LRRC9: variants seen among roughly 807,000 people sequenced by gnomAD.
LRRC9 encodes the protein leucine-rich repeat-containing protein 9.
LRRC9 carries 122 observed loss-of-function variants against 63.2 expected under a neutral mutation model. That is an observed-to-expected ratio of 1.93 (90% CI 1.67 to 2.24). The LOEUF (loss-of-function observed/expected upper bound fraction) is 2.24, where lower values mean the gene tolerates loss of function less well. LRRC9 is among the 30% of genes most tolerant of loss of function. The pLI, the probability that LRRC9 is intolerant of heterozygous loss-of-function variation, is 0.00. For synonymous variants in LRRC9, 366 were observed against 213.1 expected (o/e 1.72, Z -6.25); for missense variants, 1,071 against 627.7 (o/e 1.71, Z -7.55).
rs1266126844 is a variant in LRRC9, at chr14:59,992,092, C to T, written c.2212-5564C>T. 3.9e-5 allele frequency among the ~76,000 whole-genome samples: 6 copies of T among 152,146 alleles called. No individual in the cohort carries two copies. In the South Asian group the frequency reaches 6.2e-4, roughly 16 times the overall value. On this transcript the variant is annotated intron_variant, in intron 17 of 31. Transcript: ENST00000445360. ...AGGGCAGACTGACACCTCACATGGCCGGGTACTCCTCTGAGACAAAACTTC... is the reference window on the plus strand; with the variant it reads ...AGGGCAGACTGACACCTCACATGGCTGGGTACTCCTCTGAGACAAAACTTC...
chr14:60,053,793 T>C lies in LRRC9; in HGVS notation c.4131+588T>C, dbSNP rs1894072425. On this transcript the variant is annotated intron_variant, in intron 30 of 31. Coordinates refer to ENST00000445360, the Ensembl canonical transcript of LRRC9. This position sits in a 1 kb window ranked among gnomAD's most constrained non-coding sequence, Gnocchi z 4.8. Reference sequence around the variant, plus strand: ...ATAATAAAAGCATGTCATTTGAAAATTCTGTCTTTGACCACCTAGTTTCTT... The same window carrying C: ...ATAATAAAAGCATGTCATTTGAAAACTCTGTCTTTGACCACCTAGTTTCTT... 2.6e-6 allele frequency: 1 copy of C among 380,756 alleles called. No individual in the cohort carries two copies. The highest frequency in any genetic ancestry group is 2.1e-5 in the African/African-American group (1 of 46,582). 23.6% of individuals were successfully genotyped at this position (380,756 alleles called of 1,614,324 possible).
At chr14:60,010,533 G>A (rs1016819492) in intron 23 of LRRC9, among the ~76,000 whole-genome samples, 5 of 152,146 alleles carry the variant, frequency 3.3e-5, no homozygotes, top group Non-Finnish European at 7.4e-5. Flanking sequence ...ACATGCCCTG[G>A]AGACGTTTTC....
At chr14:59,945,553 A>G (rs1214551102) in intron 8 of LRRC9, among the ~76,000 whole-genome samples, 3 of 152,010 alleles carry the variant, frequency 2.0e-5, no homozygotes, top group Non-Finnish European at 2.9e-5. Context: ...CAGCCTGCTA[A>G]ATGAAAGAAA....
intron 8 of LRRC9, among the ~76,000 whole-genome samples, chr14:59,946,780 G>T (rs1331442058): frequency 2.0e-5 from 3 of 147,226 alleles, no homozygotes; most frequent in Non-Finnish European, 4.5e-5. Flanking sequence ...TCTTGCGATA[G>T]TTTACTGAGA....
In LRRC9 at chr14:60,058,520, GA is replaced by G. The variant is rs1894440859; in HGVS notation, c.4276+499del. On this transcript the variant is annotated intron_variant, in intron 31 of 31. Coordinates refer to ENST00000445360, the Ensembl canonical transcript of LRRC9. This position sits in a 1 kb window ranked among gnomAD's most constrained non-coding sequence, Gnocchi z 4.4. ...AGCAAATACTAGAGAAGGGCTTCAA[GA>G]GGTAGAGTTTTAAAAGAGGGAGTGT... 6.6e-6 allele frequency among the ~76,000 whole-genome samples: 1 copy of G among 152,178 alleles called. No individual in the cohort carries two copies. The highest frequency in any genetic ancestry group is 6.5e-5 in the Admixed American group (1 of 15,280).
At position 59,963,151 on chromosome 14, in the gene LRRC9, C is replaced by T. The variant is rs181722568; in HGVS notation, c.1211+2106C>T. Among the ~76,000 whole-genome samples the T allele has an allele frequency of 9.9e-5, 15 of 152,252 alleles. 1 individual carries two copies. The highest frequency in any genetic ancestry group is 3.4e-4 in the African/African-American group (14 of 41,554). On this transcript the variant is annotated intron_variant, in intron 10 of 31. Coordinates refer to ENST00000445360, the Ensembl canonical transcript of LRRC9. ...TTCAGTATTTAAATAAAAAGTATTT[C>T]AGTAGAACTAGGACTGAAAGATTTT... is the stretch of plus-strand genomic sequence containing the variant.
chr14:60,060,489 C>T lies in LRRC9; in HGVS notation c.4276+2467C>T, dbSNP rs1894585350. The stretch of plus-strand genomic sequence containing the variant: ...GGCGCGATGGCTCACGCTTGTAATC[C>T]CAGCACTTTGGGAGGCTGAGGTGGG... On this transcript the variant is annotated intron_variant, in intron 31 of 31. Transcript: ENST00000445360. This position sits in a 1 kb window ranked among gnomAD's most constrained non-coding sequence, Gnocchi z 4.0. Among the ~76,000 whole-genome samples, 1 of 152,132 alleles carries T rather than the reference C, an allele frequency of 6.6e-6. No homozygotes were observed. Among genetic ancestry groups the T allele is most frequent in the South Asian group, 2.1e-4 (1 of 4,828 alleles).
intron 6 of LRRC9, among the ~76,000 whole-genome samples, chr14:59,937,313 A>C (rs1004390375): frequency 6.6e-6 from 1 of 152,082 alleles, no homozygotes; most frequent in Non-Finnish European, 1.5e-5. Context: ...AATGTAAATA[A>C]CATTCTTTTT....
chr14:59,925,177 G>T (rs1889107919), intron 1 of LRRC9, among the ~76,000 whole-genome samples: 1 of 152,044 alleles, frequency 6.6e-6, no homozygotes, highest in Non-Finnish European at 1.5e-5. Context: ...TTTCTTTGTG[G>T]TGCTAGCTTG....
chr14:59,962,141 T>C lies in LRRC9; in HGVS notation c.1211+1096T>C, dbSNP rs530564968. On this transcript the variant is annotated intron_variant, in intron 10 of 31. Transcript: ENST00000445360. This position sits in a 1 kb window ranked among gnomAD's most constrained non-coding sequence, Gnocchi z 5.1. ...TGTGAGTAAAAGCTTCTCAAAGGTC[T>C]TGGGAGAACTCTGATGGAAAAGTGT... Among the ~76,000 whole-genome samples the C allele has an allele frequency of 2.0e-4, 30 of 152,322 alleles. 1 individual carries two copies. The highest frequency in any genetic ancestry group is 9.8e-4 in the Admixed American group (15 of 15,310).
At chr14:60,019,838 T>C (rs1890982509) in intron 26 of LRRC9, among the ~76,000 whole-genome samples, 1 of 135,108 alleles carries the variant, frequency 7.4e-6, no homozygotes, top group Non-Finnish European at 1.6e-5. Context: ...TGACAGAACA[T>C]ATATATACAT....
chr14:59,943,573 A>T (rs527884732), intron 7 of LRRC9, among the ~76,000 whole-genome samples: 1 of 152,196 alleles, frequency 6.6e-6, no homozygotes, highest in Non-Finnish European at 1.5e-5. Flanking sequence ...AGATATACTT[A>T]ATCAGTTTAT....
At chr14:59,925,596 C>A (rs1302423028) in intron 1 of LRRC9, among the ~76,000 whole-genome samples, 1 of 152,158 alleles carries the variant, frequency 6.6e-6, no homozygotes, top group Non-Finnish European at 1.5e-5. Flanking sequence ...CAAACCGTAG[C>A]ATTCAGCATG....
chr14:60,016,925 A>T (rs552678536), intron 24 of LRRC9, 135 bp downstream of exon 24: 4 of 473,870 alleles, frequency 8.4e-6, no homozygotes, highest in Non-Finnish European at 1.5e-5. Context: ...TGTACTGAAA[A>T]GATTCATGCT....
chr14:60,012,179 G>A (rs796777070), intron 23 of LRRC9, among the ~76,000 whole-genome samples: 13 of 152,236 alleles, frequency 8.5e-5, no homozygotes, highest in African/African-American at 3.1e-4. Flanking sequence ...AATAAACTTT[G>A]GAAATGGCAT....
intron 8 of LRRC9, among the ~76,000 whole-genome samples, chr14:59,957,522 G>A (rs1276620259): frequency 1.3e-5 from 2 of 152,066 alleles, no homozygotes; most frequent in Non-Finnish European, 2.9e-5. Context: ...CTAGTTAGCA[G>A]TTCCTGTAAC....
At chr14:60,024,751 GGCT>G (rs1891389495) in intron 27 of LRRC9, among the ~76,000 whole-genome samples, 1 of 151,894 alleles carries the variant, frequency 6.6e-6, no homozygotes, top group Middle Eastern at 3.2e-3. Context: ...GTGGGAATTG[GGCT>G]GCTAGTGTAC....
At chr14:60,026,920 A>G (rs953792710) in intron 27 of LRRC9, among the ~76,000 whole-genome samples, 1 of 152,028 alleles carries the variant, frequency 6.6e-6, no homozygotes, top group African/African-American at 2.4e-5. Flanking sequence ...GCTCATCCCA[A>G]TGACCTCATT....
At chr14:60,063,758 T>C (rs1470189560), downstream of LRRC9, among the ~76,000 whole-genome samples, 1 of 152,228 alleles carries the variant, frequency 6.6e-6, no homozygotes, top group East Asian at 1.9e-4. Context: ...AAAAGATAAC[T>C]TTAGGAAATA....
Sources: gnomAD v4.1 joint callset for allele counts (sites outside exome capture counted in the v4.1 genomes callset) on GRCh38, gnomAD v4.1.1 for gene constraint, Gnocchi (gnomAD v3.1) non-coding constraint, MANE v1.5 for transcripts, NCBI Gene and HGNC (gene_info 2026-07-23, HGNC 2026-07-21) for gene names.